The following GRID2 variants were observed in gnomAD, a reference collection of about 807,000 sequenced individuals.
The protein encoded by GRID2 is glutamate ionotropic receptor delta type subunit 2, also known as glutamate receptor ionotropic, delta-2.
GRID2 carries 33 observed loss-of-function variants against 114.8 expected under a neutral mutation model. The ratio of observed to expected loss-of-function variants is 0.29; its 90% CI spans 0.22 to 0.38. The LOEUF is 0.38. Among genes scored for constraint, GRID2 ranks in the 10% least tolerant of loss-of-function variants. GRID2 has a pLI of 1.00. For synonymous variants in GRID2, 505 were observed against 449.9 expected (o/e 1.12, Z -1.55); for missense variants, 1,184 against 1,257.7 (o/e 0.94, Z 0.89).
chr4:92,677,025 A>T (rs557443668), intron 2 of GRID2, among the ~76,000 whole-genome samples: 36 of 152,256 alleles, frequency 2.4e-4, no homozygotes, highest in Non-Finnish European at 4.3e-4. Flanking sequence ...TCACAGAAAG[A>T]CAAATATTAT....
At chr4:92,830,437 T>C (rs1742026476) in intron 2 of GRID2, among the ~76,000 whole-genome samples, 1 of 152,160 alleles carries the variant, frequency 6.6e-6, no homozygotes, top group Non-Finnish European at 1.5e-5. Flanking sequence ...GCATTAATCA[T>C]TCATTATGGT....
At chr4:92,636,883 A>C (rs76220196) in intron 2 of GRID2, among the ~76,000 whole-genome samples, 1 of 151,612 alleles carries the variant, frequency 6.6e-6, no homozygotes, top group Non-Finnish European at 1.5e-5. Flanking sequence ...TGTTTTTTTT[A>C]ATTTTATTTG....
chr4:93,667,577 G>A (rs1724060122), intron 14 of GRID2, among the ~76,000 whole-genome samples: 1 of 151,940 alleles, frequency 6.6e-6, no homozygotes, highest in Non-Finnish European at 1.5e-5. Flanking sequence ...GGCTTCAGTT[G>A]TCAAGAGTCC....
chr4:92,798,758 C>T lies in GRID2; in HGVS notation c.244+208472C>T, dbSNP rs115462710. 1.5e-3 allele frequency among the ~76,000 whole-genome samples: 223 copies of T among 152,148 alleles called. 1 individual carries two copies. Among genetic ancestry groups the T allele is most frequent in the African/African-American group, 5.0e-3 (209 of 41,562 alleles). On this transcript the variant is annotated intron_variant, in intron 2 of 15. Transcript: ENST00000282020. ...AAATTACTTTCCCACTCAATAGATA[C>T]AGGACTGCAAAGTAGATGTTCTCCT...
At chr4:92,460,311 C>T (rs1721435563) in intron 1 of GRID2, among the ~76,000 whole-genome samples, 1 of 151,704 alleles carries the variant, frequency 6.6e-6, no homozygotes, top group Non-Finnish European at 1.5e-5. Flanking sequence ...AACAAGTATG[C>T]TAGTTAAATA....
chr4:92,969,738 G>T (rs1753378032), intron 2 of GRID2, among the ~76,000 whole-genome samples: 1 of 151,700 alleles, frequency 6.6e-6, no homozygotes, highest in Non-Finnish European at 1.5e-5. Context: ...AGGATAATTA[G>T]ATTATTAAAA....
At position 92,483,811 on chromosome 4, in the gene GRID2, G is replaced by A. The variant is rs1378956510; in HGVS notation, c.89-106320G>A. On this transcript the variant is annotated intron_variant, in intron 1 of 15. Coordinates refer to ENST00000282020, the MANE Select transcript of GRID2 (RefSeq NM_001510.4). ...ACAAGCAACAGAAAAAAATTAAAATGCCTCTTTGGAATGTTAAGTAGCAGA... is the reference window on the plus strand; with the variant it reads ...ACAAGCAACAGAAAAAAATTAAAATACCTCTTTGGAATGTTAAGTAGCAGA... Among the ~76,000 whole-genome samples the A allele has an allele frequency of 4.6e-5, 7 of 152,150 alleles. 1 individual carries two copies. Among genetic ancestry groups the A allele is most frequent in the African/African-American group, 1.7e-4 (7 of 41,436 alleles).
chr4:93,304,380 CA>C (rs1755193932), intron 8 of GRID2, among the ~76,000 whole-genome samples: 1 of 151,310 alleles, frequency 6.6e-6, no homozygotes, highest in African/African-American at 2.4e-5. Context: ...AAACACTAGT[CA>C]AACAGACAAG....
intron 8 of GRID2, among the ~76,000 whole-genome samples, chr4:93,370,675 C>T (rs769279497): frequency 5.3e-5 from 8 of 151,938 alleles, no homozygotes; most frequent in Non-Finnish European, 1.0e-4. Flanking sequence ...ACTTGGCCAA[C>T]TATTATATTT....
At chr4:92,801,498 T>A (rs1740168724) in intron 2 of GRID2, among the ~76,000 whole-genome samples, 1 of 152,002 alleles carries the variant, frequency 6.6e-6, no homozygotes, top group African/African-American at 2.4e-5. Context: ...CTTGCTTTAA[T>A]AGTTGCATAT....
At chr4:93,326,907 C>A (rs947728424) in intron 8 of GRID2, among the ~76,000 whole-genome samples, 2 of 152,178 alleles carry the variant, frequency 1.3e-5, no homozygotes, top group African/African-American at 2.4e-5. Context: ...GGTAGTTTTA[C>A]TTATGATATA....
intron 1 of GRID2, among the ~76,000 whole-genome samples, chr4:92,535,643 G>T (rs1439986214): frequency 6.6e-6 from 1 of 152,152 alleles, no homozygotes; most frequent in African/African-American, 2.4e-5. Flanking sequence ...GTCTGCAAGT[G>T]TATCAATTAA....
chr4:93,475,299 A>C (rs1725218291), intron 11 of GRID2, among the ~76,000 whole-genome samples: 1 of 152,162 alleles, frequency 6.6e-6, no homozygotes, highest in African/African-American at 2.4e-5. Context: ...TCTCCTAAGA[A>C]CTTAAGCATA....
At chr4:93,410,522 G>A (rs1767006615) in intron 9 of GRID2, among the ~76,000 whole-genome samples, 1 of 152,128 alleles carries the variant, frequency 6.6e-6, no homozygotes, top group African/African-American at 2.4e-5. Flanking sequence ...TTTACTCCCA[G>A]AAGCCCTGTC....
intron 8 of GRID2, among the ~76,000 whole-genome samples, chr4:93,260,458 A>G (rs1435537759): frequency 6.6e-6 from 1 of 151,522 alleles, no homozygotes; most frequent in Non-Finnish European, 1.5e-5. Context: ...ATTTGTTAGA[A>G]GTTGGACACT....
At chr4:93,759,642 T>A (rs1401520054) in intron 14 of GRID2, among the ~76,000 whole-genome samples, 5 of 152,194 alleles carry the variant, frequency 3.3e-5, no homozygotes, top group Admixed American at 2.6e-4. Flanking sequence ...TTCCTTATTT[T>A]GAACACACTT....
chr4:93,594,292 G>A (rs1235022441), intron 13 of GRID2, among the ~76,000 whole-genome samples: 1 of 152,140 alleles, frequency 6.6e-6, no homozygotes, highest in Non-Finnish European at 1.5e-5. Flanking sequence ...CTCAGCTGCA[G>A]GTCTGTTGGA....
At chr4:93,258,488 A>G (rs553546835) in intron 8 of GRID2, among the ~76,000 whole-genome samples, 11 of 151,896 alleles carry the variant, frequency 7.2e-5, no homozygotes, top group Middle Eastern at 6.8e-3. Context: ...ACTTTCATGT[A>G]TATAATGACA....
chr4:93,100,071 A>G (rs1731568530), intron 3 of GRID2, among the ~76,000 whole-genome samples: 2 of 152,040 alleles, frequency 1.3e-5, no homozygotes, highest in South Asian at 4.1e-4. Flanking sequence ...ATAAGCATAT[A>G]ATTAATCCAA....
Sources: allele counts gnomAD v4.1 joint callset (sites outside exome capture counted in the v4.1 genomes callset), GRCh38; gene constraint gnomAD v4.1.1; transcripts MANE v1.5; gene names NCBI Gene and HGNC (gene_info 2026-07-23, HGNC 2026-07-21).